Variants in ROBO1 observed in about 807,000 individuals in gnomAD.
ROBO1 encodes the protein roundabout guidance receptor 1.
A neutral mutation model predicts 195.9 loss-of-function variants in ROBO1; 149 were observed. That is an observed-to-expected ratio of 0.76 (90% CI 0.67 to 0.87). The LOEUF (loss-of-function observed/expected upper bound fraction) is 0.87, where lower values mean the gene tolerates loss of function less well. Among genes scored for constraint, ROBO1 ranks in the 40% least tolerant of loss-of-function variants. ROBO1 has a pLI of 0.00. For missense variants in ROBO1, 1,933 were observed against 2,068.3 expected, an observed-to-expected ratio of 0.93 and a Z score of 1.27; for synonymous variants, 816 against 733.2, an observed-to-expected ratio of 1.11 and a Z score of -1.82.
chr3:79,194,640 G>A lies in ROBO1; in HGVS notation c.89-69101C>T, dbSNP rs1191835496. Among the ~76,000 whole-genome samples the A allele has an allele frequency of 2.0e-5, 3 of 151,672 alleles. No individual in the cohort carries two copies. The East Asian group carries it at 5.8e-4, about 29-fold the overall frequency. On this transcript the variant is annotated intron_variant, in intron 2 of 30. Coordinates refer to ENST00000464233, the MANE Select transcript of ROBO1 (RefSeq NM_002941.4). ...AAATGCCGCACTTGCTAAAGAATGG[G>A]CACCCATCTGAAATTCCAAATGGCA... is the stretch of plus-strand genomic sequence containing the variant.
intron 2 of ROBO1, among the ~76,000 whole-genome samples, chr3:79,311,610 T>C (rs1196991248): frequency 6.6e-6 from 1 of 152,156 alleles, no homozygotes; most frequent in Non-Finnish European, 1.5e-5. Flanking sequence ...AGTAGCTGGT[T>C]GAGGAAGACA....
intron 1 of ROBO1, among the ~76,000 whole-genome samples, chr3:79,609,616 A>T (rs1944593222): frequency 6.6e-6 from 1 of 151,982 alleles, no homozygotes. Context: ...GTCCATGGAT[A>T]GGTGAACAAA....
intron 2 of ROBO1, among the ~76,000 whole-genome samples, chr3:79,537,693 C>T (rs186970027): frequency 1.3e-5 from 2 of 151,634 alleles, no homozygotes; most frequent in Non-Finnish European, 2.9e-5. Context: ...AATGAGAACA[C>T]GAGGACATAG....
intron 2 of ROBO1, among the ~76,000 whole-genome samples, chr3:79,402,018 G>A (rs950897018): frequency 2.6e-5 from 4 of 151,590 alleles, no homozygotes; most frequent in East Asian, 1.9e-4. Context: ...TTTGTTAAAC[G>A]CATTTTGATT....
intron 2 of ROBO1, among the ~76,000 whole-genome samples, chr3:79,563,199 AC>A (rs1559995746): frequency 6.6e-6 from 1 of 152,028 alleles, no homozygotes; most frequent in Admixed American, 6.6e-5. Context: ...ACCCCCTTCA[AC>A]TTGTAGCACA....
chr3:79,330,007 A>G lies in ROBO1; in HGVS notation c.89-204468T>C, dbSNP rs2034367280. The stretch of plus-strand genomic sequence containing the variant: ...AAAAACAATTGAGCCACATTTCAAT[A>G]ACCTTATATAATTTTGTTTATAAAT... On this transcript the variant is annotated intron_variant, in intron 2 of 30. Transcript: ENST00000464233. Among the ~76,000 whole-genome samples, 4 of 152,010 alleles carry G rather than the reference A, an allele frequency of 2.6e-5. No homozygotes were observed. The South Asian group carries it at 8.3e-4, about 31-fold the overall frequency.
Position 79,208,036 on chromosome 3 carries a change from T to G in ROBO1, c.89-82497A>C, listed in dbSNP as rs2108794954. ...TTTATTTGTAAAAAATTAAATTACCTTGATGTCAAAAATTGATGATAACAA... is the reference window on the plus strand; with the variant it reads ...TTTATTTGTAAAAAATTAAATTACCGTGATGTCAAAAATTGATGATAACAA... On this transcript the variant is annotated intron_variant, in intron 2 of 30. Coordinates refer to ENST00000464233, the MANE Select transcript of ROBO1 (RefSeq NM_002941.4). Among the ~76,000 whole-genome samples, 4 of 152,314 alleles carry G rather than the reference T, an allele frequency of 2.6e-5. No homozygotes were observed. The South Asian group carries it at 8.3e-4, about 32-fold the overall frequency.
intron 3 of ROBO1, among the ~76,000 whole-genome samples, chr3:79,013,340 A>G (rs952952682): frequency 3.3e-5 from 5 of 152,208 alleles, no homozygotes; most frequent in African/African-American, 9.7e-5. Flanking sequence ...GTTTTGAATC[A>G]CATTCAGTCT....
chr3:79,601,157 G>A (rs1183850852), intron 1 of ROBO1, among the ~76,000 whole-genome samples: 1 of 151,948 alleles, frequency 6.6e-6, no homozygotes, highest in Non-Finnish European at 1.5e-5. Flanking sequence ...AACAGTAGTT[G>A]TTGACTGAAC....
chr3:79,110,928 T>C (rs1313063479), intron 3 of ROBO1, among the ~76,000 whole-genome samples: 1 of 152,078 alleles, frequency 6.6e-6, no homozygotes, highest in African/African-American at 2.4e-5. Flanking sequence ...TTGAAGTGAA[T>C]GAAATCTGAA....
At chr3:78,943,097 T>A (rs2040227222) in intron 3 of ROBO1, among the ~76,000 whole-genome samples, 1 of 151,702 alleles carries the variant, frequency 6.6e-6, no homozygotes, top group Non-Finnish European at 1.5e-5. Context: ...GCGCCTGTAG[T>A]CCCAGCTACT....
Position 79,331,685 on chromosome 3 carries a change from A to G in ROBO1, c.89-206146T>C, listed in dbSNP as rs116811830. On this transcript the variant is annotated intron_variant, in intron 2 of 30. Coordinates refer to ENST00000464233, the MANE Select transcript of ROBO1 (RefSeq NM_002941.4). The stretch of plus-strand genomic sequence containing the variant: ...AAAAAGTGTGTCAAATAACGGAGGT[A>G]GATTTTCCAGATGCCTAGGAAATCC... 4.0e-3 allele frequency among the ~76,000 whole-genome samples: 615 copies of G among 152,296 alleles called. 3 individuals carry two copies. The highest frequency in any genetic ancestry group is 0.014 in the African/African-American group (580 of 41,566).
intron 2 of ROBO1, among the ~76,000 whole-genome samples, chr3:79,355,005 A>T (rs1316095101): frequency 6.6e-6 from 1 of 152,086 alleles, no homozygotes; most frequent in African/African-American, 2.4e-5. Context: ...ACGTCTACTA[A>T]GGATACAAAA....
chr3:79,474,417 C>T (rs4535190), intron 2 of ROBO1, among the ~76,000 whole-genome samples: 101,466 of 151,906 alleles, frequency 0.67, 35,372 homozygotes, highest in African/African-American at 0.89. Flanking sequence ...CCTATTACTT[C>T]GATATGCCTC....
At chr3:78,827,181 T>G (rs1199764748) in intron 4 of ROBO1, among the ~76,000 whole-genome samples, 4 of 152,156 alleles carry the variant, frequency 2.6e-5, no homozygotes, top group Non-Finnish European at 5.9e-5. Context: ...ATAAAAGAAC[T>G]TATGTGAAAT....
At chr3:79,376,520 G>C (rs1425727694) in intron 2 of ROBO1, among the ~76,000 whole-genome samples, 1 of 152,132 alleles carries the variant, frequency 6.6e-6, no homozygotes, top group Non-Finnish European at 1.5e-5. Flanking sequence ...TGAGGTAATT[G>C]AATCATGGGG....
chr3:79,712,423 A>G (rs1702313385), intron 1 of ROBO1, among the ~76,000 whole-genome samples: 1 of 152,134 alleles, frequency 6.6e-6, no homozygotes, highest in South Asian at 2.1e-4. Context: ...CCAAAACCTA[A>G]TCTAGAGCAA....
intron 3 of ROBO1, among the ~76,000 whole-genome samples, chr3:78,994,924 C>T (rs1163214029): frequency 2.0e-5 from 3 of 152,100 alleles, no homozygotes; most frequent in East Asian, 1.9e-4. Context: ...GAATTCACAT[C>T]GTGTGTTTAT....
intron 2 of ROBO1, among the ~76,000 whole-genome samples, chr3:79,490,171 C>T (rs764230730): frequency 6.6e-6 from 1 of 152,078 alleles, no homozygotes; most frequent in African/African-American, 2.4e-5. Flanking sequence ...GCTTTTTTAT[C>T]TCTTACTAGA....
Sources: allele counts gnomAD v4.1 joint callset (sites outside exome capture counted in the v4.1 genomes callset), GRCh38; gene constraint gnomAD v4.1.1; transcripts MANE v1.5; gene names NCBI Gene and HGNC (gene_info 2026-07-23, HGNC 2026-07-21).